RNF138: variants seen among roughly 807,000 people sequenced by gnomAD.
The protein encoded by RNF138 is ring finger protein 138.
RNF138 carries 12 observed loss-of-function variants against 31.0 expected under a neutral mutation model. That is an observed-to-expected ratio of 0.39 (90% CI 0.25 to 0.63). RNF138 has a LOEUF of 0.63. Among genes scored for constraint, RNF138 ranks in the 20% least tolerant of loss-of-function variants. The pLI, the probability that RNF138 is intolerant of heterozygous loss-of-function variation, is 0.52. For missense variants in RNF138, 192 were observed against 300.1 expected (o/e 0.64, Z 2.66); for synonymous variants, 105 against 99.5 (o/e 1.06, Z -0.33).
At chr18:32,092,676 C>A in intron 1 of RNF138, 24 bp from the exon 2 acceptor site, 1 of 718,506 alleles carries the variant, frequency 1.4e-6, no homozygotes, top group South Asian at 1.5e-5. Flanking sequence ...ATGCGATCCC[C>A]CTCCCCCCTC....
intron 4 of RNF138, among the ~76,000 whole-genome samples, chr18:32,117,763 A>G (rs1243458527): frequency 1.3e-5 from 2 of 152,162 alleles, no homozygotes; most frequent in Non-Finnish European, 2.9e-5. Context: ...GTTTTAGCAA[A>G]ATTATTGCAT....
chr18:32,095,850 G>A (rs1475968762), intron 2 of RNF138, among the ~76,000 whole-genome samples: 3 of 152,192 alleles, frequency 2.0e-5, no homozygotes, highest in South Asian at 4.1e-4. Flanking sequence ...TTAATAGTCC[G>A]CTGGAGAGAC....
intron 4 of RNF138, among the ~76,000 whole-genome samples, chr18:32,120,687 A>G (rs2040289596): frequency 6.6e-6 from 1 of 152,220 alleles, no homozygotes; most frequent in South Asian, 2.1e-4. Flanking sequence ...GATGACAGTA[A>G]TAGTGGAAAA....
chr18:32,113,796 G>A lies in RNF138; in HGVS notation c.328G>A (p.Asp110Asn), dbSNP rs1318713318. The A allele has an allele frequency of 2.6e-6, 4 of 1,562,710 alleles. No individual in the cohort carries two copies. The highest frequency in any genetic ancestry group is 3.5e-6 in the Non-Finnish European group (4 of 1,156,556). ...TTACAAATCTTGTAAGAAGTATCAG[G>A]ATGAATATGGTGTTTCTTCTATCAT... The part of the protein sequence containing the change: ...HHYKSCKKYQ[D>N]EYGVSSIIPN... The change falls in exon 4 of 8, where the codon GAT becomes AAT. Residue 110 changes from aspartate (D) to asparagine (N), a missense_variant. Coordinates refer to ENST00000261593, the MANE Select transcript of RNF138 (RefSeq NM_016271.5).
At chr18:32,100,825 G>A (rs1210137219) in intron 2 of RNF138, among the ~76,000 whole-genome samples, 1 of 152,150 alleles carries the variant, frequency 6.6e-6, no homozygotes, top group East Asian at 1.9e-4. Context: ...GGCTGGTCTC[G>A]AATGCCTGAG....
chr18:32,124,594 T>C, intron 5 of RNF138, 140 bp from the exon 6 acceptor site: 2 of 599,658 alleles, frequency 3.3e-6, no homozygotes, highest in East Asian at 5.6e-5. Flanking sequence ...TGAATACATA[T>C]GTTCAAAATG....
Position 32,130,257 on chromosome 18 carries a change from CTAAGT to C in RNF138, c.*1073_*1077del, listed in dbSNP as rs905140807. On this transcript the variant is annotated 3_prime_UTR_variant, in exon 8 of 8. Coordinates refer to ENST00000261593, the MANE Select transcript of RNF138 (RefSeq NM_016271.5). ...TTTTTAAAAAGTGATAGTCACAGTGCTAAGTTATCTAGTTGGCTACTATTACACCT... is the reference window on the plus strand; with the variant it reads ...TTTTTAAAAAGTGATAGTCACAGTGCTATCTAGTTGGCTACTATTACACCT... The C allele has an allele frequency of 2.0e-5, 3 of 151,954 alleles. No individual in the cohort carries two copies. The highest frequency in any genetic ancestry group is 7.3e-5 in the African/African-American group (3 of 41,240). 9.4% of individuals were successfully genotyped at this position (151,954 alleles called of 1,614,324 possible). A position where few individuals can be genotyped will look rare whatever the true frequency, so the allele number is the denominator to read the frequency against.
intron 6 of RNF138, among the ~76,000 whole-genome samples, 156 bp from the exon 7 acceptor site, chr18:32,126,533 AATTG>A (rs932790966): frequency 2.6e-5 from 4 of 152,216 alleles, no homozygotes; most frequent in Admixed American, 2.6e-4. Context: ...TATCTAAGGT[AATTG>A]ATTGGGAAAT....
At chr18:32,102,630 T>C (rs570877788) in intron 2 of RNF138, among the ~76,000 whole-genome samples, 3 of 151,770 alleles carry the variant, frequency 2.0e-5, no homozygotes, top group African/African-American at 7.3e-5. Flanking sequence ...GGAGGTTAAT[T>C]TGGGATTTTC....
intron 2 of RNF138, among the ~76,000 whole-genome samples, chr18:32,101,521 C>G (rs377731440): frequency 1.3e-5 from 2 of 151,926 alleles, no homozygotes; most frequent in Non-Finnish European, 2.9e-5. Context: ...TTTTTTTAAG[C>G]CTTAGTTTCC....
rs531036986 is a variant in RNF138 at position 32,103,360 on chromosome 18, T to A, written c.111-8394T>A. On this transcript the variant is annotated intron_variant, in intron 2 of 7. Coordinates refer to ENST00000261593, the MANE Select transcript of RNF138 (RefSeq NM_016271.5). Reference sequence around the variant, plus strand: ...CACACCACCATACCTCACTAATTTTTAAAAATTTTTGTAGAGGTGGGGAAA... The same window carrying A: ...CACACCACCATACCTCACTAATTTTAAAAAATTTTTGTAGAGGTGGGGAAA... Among the ~76,000 whole-genome samples the A allele has an allele frequency of 7.2e-5, 11 of 151,962 alleles. No individual in the cohort carries two copies. The South Asian group carries it at 2.3e-3, about 32-fold the overall frequency.
At chr18:32,099,249 C>G (rs970595337) in intron 2 of RNF138, among the ~76,000 whole-genome samples, 2 of 152,014 alleles carry the variant, frequency 1.3e-5, no homozygotes, top group Admixed American at 1.3e-4. Context: ...TTTTTCCTTC[C>G]TACTTCTGCT....
At position 32,131,486 on chromosome 18, in the gene RNF138, T is replaced by C. The variant is rs1222064175; in HGVS notation, c.*2299T>C. 1 of 152,192 alleles carries C rather than the reference T, an allele frequency of 6.6e-6. No homozygotes were observed. The highest frequency in any genetic ancestry group is 1.5e-5 in the Non-Finnish European group (1 of 67,994). 9.4% of individuals were successfully genotyped at this position (152,192 alleles called of 1,614,324 possible). A position where few individuals can be genotyped will look rare whatever the true frequency, so the allele number is the denominator to read the frequency against. On this transcript the variant is annotated 3_prime_UTR_variant, in exon 8 of 8. Transcript: ENST00000261593. ...ACTTAGGAAAGCTATTTCAACAAAT[T>C]ACAGTTTTATTGTTAAAACAGAGTC... is the stretch of plus-strand genomic sequence containing the variant.
In RNF138 at chr18:32,116,965, G is replaced by A. The variant is rs182846723; in HGVS notation, c.392+3105G>A. The stretch of plus-strand genomic sequence containing the variant: ...CTCCCAGGCTGGAGTGCAGTGGTGC[G>A]ATCTCAGCTCACTACAACATCGACC... On this transcript the variant is annotated intron_variant, in intron 4 of 7. Transcript: ENST00000261593. Among the ~76,000 whole-genome samples, 10 of 152,174 alleles carry A rather than the reference G, an allele frequency of 6.6e-5. No individual in the cohort carries two copies. The South Asian group carries it at 1.2e-3, about 19-fold the overall frequency.
Position 32,130,575 on chromosome 18 carries a change from AAGAG to A in RNF138, c.*1390_*1393del, listed in dbSNP as rs913649744. The A allele has an allele frequency of 2.6e-5, 4 of 152,498 alleles. No individual in the cohort carries two copies. Among genetic ancestry groups the A allele is most frequent in the East Asian group, 1.9e-4 (1 of 5,202 alleles). 9.4% of individuals were successfully genotyped at this position (152,498 alleles called of 1,614,324 possible). A position where few individuals can be genotyped will look rare whatever the true frequency, so the allele number is the denominator to read the frequency against. On this transcript the variant is annotated 3_prime_UTR_variant, in exon 8 of 8. Transcript: ENST00000261593. ...AAAATAACTAGAAGAACATAAAAGA[AAGAG>A]AATCTCAGAAGTAGTTTGCTGCTAA...
chr18:32,121,497 A>G (rs1336100172), intron 4 of RNF138, among the ~76,000 whole-genome samples: 1 of 152,238 alleles, frequency 6.6e-6, no homozygotes, highest in African/African-American at 2.4e-5. Flanking sequence ...CTCCATCTCA[A>G]AAAAAGAAAA....
At position 32,092,759 on chromosome 18, in the gene RNF138, GT is replaced by G. The variant is rs775829494; in HGVS notation, c.-15del. 20 of 1,521,944 alleles carry G rather than the reference GT, an allele frequency of 1.3e-5. No homozygotes were observed. Among genetic ancestry groups the G allele is most frequent in the Non-Finnish European group, 1.6e-5 (18 of 1,125,096 alleles). 94.3% of individuals were successfully genotyped at this position (1,521,944 alleles called of 1,614,324 possible). On this transcript the variant is annotated 5_prime_UTR_variant, in exon 2 of 8. Coordinates refer to ENST00000261593, the MANE Select transcript of RNF138 (RefSeq NM_016271.5). ...CCGCTGCCGCTGTCGCCATCGCCTT[GT>G]TTCCCCATCCCCCGCCATGGCCGAG...
chr18:32,123,706 G>A (rs2040342152), intron 5 of RNF138, 132 bp downstream of exon 5: 3 of 536,774 alleles, frequency 5.6e-6, no homozygotes, highest in Non-Finnish European at 9.2e-6. Context: ...AGGCTGGAGT[G>A]CAGTGGTGCG....
chr18:32,094,893 G>T (rs1339138391), intron 2 of RNF138, among the ~76,000 whole-genome samples: 1 of 152,142 alleles, frequency 6.6e-6, no homozygotes, highest in Admixed American at 6.5e-5. Flanking sequence ...AAAATTCCGT[G>T]TAGATTGCTC....
Sources: gnomAD v4.1 joint callset for allele counts (sites outside exome capture counted in the v4.1 genomes callset) on GRCh38, gnomAD v4.1.1 for gene constraint, MANE v1.5 for transcripts, NCBI Gene and HGNC (gene_info 2026-07-23, HGNC 2026-07-21) for gene names.